TAGLN3: variants seen among roughly 807,000 people sequenced by gnomAD.
The protein encoded by TAGLN3 is transgelin 3, also known as transgelin-3.
In TAGLN3, 12 loss-of-function variants were observed where a neutral mutation model predicts 25.4. That is an observed-to-expected ratio of 0.47 (90% CI 0.30 to 0.77). TAGLN3 has a LOEUF of 0.77. Ranked by LOEUF, TAGLN3 falls within the 30% of genes least tolerant of loss-of-function variation. TAGLN3 has a pLI of 0.06. For synonymous variants in TAGLN3, 96 were observed against 94.8 expected (o/e 1.01, Z -0.08); for missense variants, 218 against 255.8 (o/e 0.85, Z 1.01).
chr3:112,010,966 C>A (rs2072969346), intron 3 of TAGLN3, among the ~76,000 whole-genome samples: 1 of 152,174 alleles, frequency 6.6e-6, no homozygotes, highest in African/African-American at 2.4e-5. Context: ...CTAAAGAGAG[C>A]CTTAATATTT....
intron 3 of TAGLN3, among the ~76,000 whole-genome samples, chr3:112,006,754 T>G (rs769645648): frequency 2.0e-5 from 3 of 152,230 alleles, no homozygotes; most frequent in Admixed American, 6.5e-5. Flanking sequence ...ATCCTTTTCA[T>G]TTACTTTTTA....
At chr3:112,001,016 G>A in intron 3 of TAGLN3, 70 bp downstream of exon 3, 5 of 1,418,230 alleles carry the variant, frequency 3.5e-6, no homozygotes, top group Non-Finnish European at 4.9e-6. Context: ...TGTAAAAACT[G>A]CTCACAGTGT....
intron 3 of TAGLN3, among the ~76,000 whole-genome samples, chr3:112,011,278 C>T (rs1211515811): frequency 1.3e-5 from 2 of 152,240 alleles, no homozygotes; most frequent in Non-Finnish European, 2.9e-5. Flanking sequence ...AGGGGCCACA[C>T]TGCACATCCC....
In TAGLN3 at chr3:112,010,726, T is replaced by C. The variant is rs558410136; in HGVS notation, c.356-1037T>C. Among the ~76,000 whole-genome samples the C allele has an allele frequency of 5.9e-5, 9 of 152,328 alleles. No individual in the cohort carries two copies. In the East Asian group the frequency reaches 1.7e-3, roughly 29 times the overall value. ...CCTCAGGATTCAGGCAATCACCCTG[T>C]GGTTAACATGGGAGGTGGGGGTAGA... On this transcript the variant is annotated intron_variant, in intron 3 of 4. Coordinates refer to ENST00000478951, the MANE Select transcript of TAGLN3 (RefSeq NM_001008272.2).
intron 3 of TAGLN3, 43 bp downstream of exon 3, chr3:112,000,989 C>G (rs1050464902): frequency 3.8e-6 from 6 of 1,576,312 alleles, no homozygotes; most frequent in Non-Finnish European, 5.2e-6. Flanking sequence ...TTTCTTCTCT[C>G]CTTTGCCCCA....
At chr3:112,000,496 C>T in intron 2 of TAGLN3, 1 of 331,600 alleles carries the variant, frequency 3.0e-6, no homozygotes, top group Non-Finnish European at 5.5e-6. Flanking sequence ...TTCCCTCATC[C>T]AGAAAAAGGA....
intron 3 of TAGLN3, among the ~76,000 whole-genome samples, chr3:112,009,315 A>T (rs1396332774): frequency 6.6e-6 from 1 of 152,054 alleles, no homozygotes; most frequent in Non-Finnish European, 1.5e-5. Flanking sequence ...GACATGGAGA[A>T]ACCTAGACAA....
chr3:112,003,929 T>A (rs1478337095), intron 3 of TAGLN3, among the ~76,000 whole-genome samples: 1 of 152,136 alleles, frequency 6.6e-6, no homozygotes, highest in Non-Finnish European at 1.5e-5. Context: ...TTCAATCACT[T>A]CTATAGGCTG....
In TAGLN3 at chr3:112,000,935, A is replaced by T. The variant is rs1362004363; in HGVS notation, c.344A>T (p.Asp115Val). 1 of 1,613,844 alleles carries T rather than the reference A, an allele frequency of 6.2e-7. No homozygotes were observed. The highest frequency in any genetic ancestry group is 8.5e-7 in the Non-Finnish European group (1 of 1,179,926). The part of the protein sequence containing the change: ...VRTTDIFQTV[D>V]LWEGKDMAAV... ...ACCACCGACATCTTTCAGACGGTGG[A>T]TCTATGGGAAGGTAAACAGCCCCCT... The change falls in exon 3 of 5, where the codon GAT (aspartate) becomes GTT (valine). Residue 115 changes from aspartate (D) to valine (V), a missense_variant. Coordinates refer to ENST00000478951, the MANE Select transcript of TAGLN3 (RefSeq NM_001008272.2).
At chr3:112,013,223 T>C (rs749962426) in intron 4 of TAGLN3, among the ~76,000 whole-genome samples, 187 bp from the exon 5 acceptor site, 21 of 151,022 alleles carry the variant, frequency 1.4e-4, no homozygotes, top group Non-Finnish European at 2.9e-5. Flanking sequence ...GCGCCACGGC[T>C]CAGGGTAGGT....
At chr3:112,004,628 C>T (rs2072897393) in intron 3 of TAGLN3, among the ~76,000 whole-genome samples, 1 of 152,138 alleles carries the variant, frequency 6.6e-6, no homozygotes, top group Admixed American at 6.6e-5. Context: ...ATGTATTTCA[C>T]AGGGTTGATA....
At chr3:112,000,653 A>G (rs1559941465) in intron 2 of TAGLN3, 119 bp from the exon 3 acceptor site, 2 of 1,156,730 alleles carry the variant, frequency 1.7e-6, no homozygotes, top group Admixed American at 4.1e-5. Flanking sequence ...CCTAGGGCCC[A>G]TGACTTGCTC....
At chr3:112,008,202 G>A (rs1191264208) in intron 3 of TAGLN3, among the ~76,000 whole-genome samples, 1 of 152,202 alleles carries the variant, frequency 6.6e-6, no homozygotes, top group Non-Finnish European at 1.5e-5. Context: ...AAAGCAGGCT[G>A]TGTATGGCCA....
intron 3 of TAGLN3, among the ~76,000 whole-genome samples, chr3:112,001,445 C>G (rs2072858530): frequency 6.6e-6 from 1 of 152,212 alleles, no homozygotes. Context: ...CTCAGTGTGA[C>G]AAGTGCTTGT....
Position 112,000,617 on chromosome 3 carries a change from G to T in TAGLN3, c.181-155G>T, listed in dbSNP as rs538102581. ...CTTTGGGGCTTAGTATAGGAGCCTG[G>T]CTACACAGCCCAGAGCCCGTGCCTT... On this transcript the variant is annotated intron_variant, in intron 2 of 4. Transcript: ENST00000478951. 2.1e-5 allele frequency: 15 copies of T among 724,978 alleles called. No individual in the cohort carries two copies. In the South Asian group the frequency reaches 2.9e-4, roughly 14 times the overall value. 44.9% of individuals were successfully genotyped at this position (724,978 alleles called of 1,614,324 possible).
chr3:112,000,669 C>T (rs2072846105), intron 2 of TAGLN3, 103 bp from the exon 3 acceptor site: 2 of 1,339,886 alleles, frequency 1.5e-6, no homozygotes, highest in South Asian at 2.7e-5. Flanking sequence ...TGCTCCTGCC[C>T]AAACTGGATG....
intron 2 of TAGLN3, among the ~76,000 whole-genome samples, chr3:112,000,158 T>A (rs1295519709): frequency 6.6e-6 from 1 of 152,230 alleles, no homozygotes; most frequent in African/African-American, 2.4e-5. Context: ...GGCCGCAGGC[T>A]CTGTGATTCA....
chr3:112,006,354 G>C (rs1247747994), intron 3 of TAGLN3, among the ~76,000 whole-genome samples: 2 of 152,208 alleles, frequency 1.3e-5, no homozygotes, highest in African/African-American at 4.8e-5. Context: ...GTGGGAGTCA[G>C]GGAGGCAAGC....
In TAGLN3 at chr3:112,013,509, G is replaced by A; in HGVS notation, c.558G>A (p.Gln186=). Residue 186 remains glutamine, a synonymous_variant, in exon 5 of 5, where the codon CAG becomes CAA. Coordinates refer to ENST00000478951, the MANE Select transcript of TAGLN3 (RefSeq NM_001008272.2). ...TGGGCAGCAACAAGGGAGCCTCCCA[G>A]GCGGGCATGACAGGGTACGGGATGC... The part of the protein sequence containing the change: ...LQMGSNKGAS[Q]AGMTGYGMPR... 1 of 1,614,226 alleles carries A rather than the reference G, an allele frequency of 6.2e-7. No homozygotes were observed. Among genetic ancestry groups the A allele is most frequent in the South Asian group, 1.1e-5 (1 of 91,090 alleles).
Sources: allele counts gnomAD v4.1 joint callset (sites outside exome capture counted in the v4.1 genomes callset), GRCh38; gene constraint gnomAD v4.1.1; transcripts MANE v1.5; gene names NCBI Gene and HGNC (gene_info 2026-07-23, HGNC 2026-07-21).